The following ANKRD30A variants were observed in gnomAD, a reference collection of about 807,000 sequenced individuals.
The protein encoded by ANKRD30A is ankyrin repeat domain 30A.
Under a neutral mutation model 166.3 loss-of-function variants are expected in ANKRD30A, and 170 were observed. The observed-to-expected ratio is 1.02, with a 90% CI of 0.90 to 1.16. The LOEUF (loss-of-function observed/expected upper bound fraction) is 1.16. Ranked by LOEUF, ANKRD30A falls within the 50% of genes most tolerant of loss-of-function variation. The pLI, the probability that ANKRD30A is intolerant of heterozygous loss-of-function variation, is 0.00. For synonymous variants in ANKRD30A, 564 were observed against 508.9 expected (o/e 1.11, Z -1.46); for missense variants, 1,630 against 1,518.0 (o/e 1.07, Z -1.23).
At chr10:37,141,216 C>T (rs959130515) in intron 6 of ANKRD30A, among the ~76,000 whole-genome samples, 1 of 151,960 alleles carries the variant, frequency 6.6e-6, no homozygotes, top group Non-Finnish European at 1.5e-5. Flanking sequence ...TATGTCATGT[C>T]GTTACTGTAT....
Position 37,126,001 on chromosome 10 carries a change from C to G in ANKRD30A, c.214C>G (p.Gln72Glu). The change falls in exon 1 of 36, where the codon CAG becomes GAG. Residue 72 changes from glutamine to glutamate, a missense_variant. Transcript: ENST00000361713. ...KTINLNIQDA[Q>E]KRTALHWACV... Reference sequence around the variant, plus strand: ...CATCAACCTTAATATACAAGACGCCCAGAAGAGGTACCAGGCCCTGCCTGA... The same window carrying G: ...CATCAACCTTAATATACAAGACGCCGAGAAGAGGTACCAGGCCCTGCCTGA... 2 of 1,611,666 alleles carry G rather than the reference C, an allele frequency of 1.2e-6. No homozygotes were observed. Among genetic ancestry groups the G allele is most frequent in the South Asian group, 1.1e-5 (1 of 90,982 alleles).
chr10:37,240,041 G>A, the ANKRD30A span, among the ~76,000 whole-genome samples: 1 of 151,864 alleles, frequency 6.6e-6, no homozygotes, highest in Non-Finnish European at 1.5e-5. Context: ...TAAAATAAAC[G>A]GTAAATAGGA....
intron 25 of ANKRD30A, among the ~76,000 whole-genome samples, chr10:37,192,465 A>T (rs1840673767): frequency 6.6e-6 from 1 of 151,956 alleles, no homozygotes; most frequent in East Asian, 1.9e-4. Context: ...AGAGGTACAA[A>T]AATGAATATA....
At chr10:37,248,265 G>T in the ANKRD30A span, 6 of 570,062 alleles carry the variant, frequency 1.1e-5, no homozygotes, top group Non-Finnish European at 1.7e-5. Flanking sequence ...TCTCAGAATT[G>T]TCACCTCAAA....
chr10:37,198,405 A>G (rs1240623184), intron 29 of ANKRD30A, among the ~76,000 whole-genome samples: 11 of 152,130 alleles, frequency 7.2e-5, no homozygotes, highest in Non-Finnish European at 1.5e-5. Context: ...ACCATAGTTA[A>G]CTGCACAATT....
intron 31 of ANKRD30A, among the ~76,000 whole-genome samples, chr10:37,206,975 AGTT>A (rs1842030379): frequency 1.3e-5 from 2 of 152,108 alleles, no homozygotes; most frequent in Non-Finnish European, 2.9e-5. Flanking sequence ...TTAACAATTA[AGTT>A]GTTGAATACA....
In ANKRD30A at chr10:37,197,526, GAACATTTT is replaced by G. The variant is rs772047103; in HGVS notation, c.2716+47_2716+54del. 2.2e-4 allele frequency: 347 copies of G among 1,610,304 alleles called. 2 individuals are homozygous for G. Among genetic ancestry groups the G allele is most frequent in the Admixed American group, 7.7e-4 (46 of 59,922 alleles). On this transcript the variant is annotated intron_variant, in intron 29 of 35. Transcript: ENST00000361713. The stretch of plus-strand genomic sequence containing the variant: ...ATGCGAAGACCAATATTTCAATATT[GAACATTTT>G]GATGGTCTTTCTATCCCCAATGCTT...
Position 37,183,717 on chromosome 10 carries a change from AG to A in ANKRD30A, c.2422-5749del, listed in dbSNP as rs1349036702. On this transcript the variant is annotated intron_variant, in intron 24 of 35. Coordinates refer to ENST00000361713, the MANE Select transcript of ANKRD30A (RefSeq NM_052997.3). ...AAAATTCTCCACGGCTTCACATGCT[AG>A]TTCAGAAGATATTGATGCCTTGAGA... Among the ~76,000 whole-genome samples, 3 of 148,256 alleles carry A rather than the reference AG, an allele frequency of 2.0e-5. No homozygotes were observed. In the Admixed American group the frequency reaches 2.0e-4, roughly 10 times the overall value.
chr10:37,257,225 G>A, the ANKRD30A span, among the ~76,000 whole-genome samples: 1 of 151,760 alleles, frequency 6.6e-6, no homozygotes, highest in African/African-American at 2.4e-5. Flanking sequence ...TTATTTCTGT[G>A]GGATCAGTGA....
chr10:37,260,693 C>T, the ANKRD30A span, among the ~76,000 whole-genome samples: 1 of 152,274 alleles, frequency 6.6e-6, no homozygotes, highest in African/African-American at 2.4e-5. Context: ...GGAAAATCGG[C>T]AGGCCCAGAT....
chr10:37,201,726 A>G (rs1274895604), intron 31 of ANKRD30A, among the ~76,000 whole-genome samples: 2 of 152,058 alleles, frequency 1.3e-5, no homozygotes, highest in African/African-American at 2.4e-5. Flanking sequence ...AAATTTGGGA[A>G]GAATATAAAG....
chr10:37,221,415 A>G (rs1485973415), intron 34 of ANKRD30A, among the ~76,000 whole-genome samples: 1 of 151,248 alleles, frequency 6.6e-6, no homozygotes, highest in Non-Finnish European at 1.5e-5. Context: ...ACATTATCAC[A>G]TTAATCTCAA....
At chr10:37,153,052 C>G (rs1182261395) in intron 12 of ANKRD30A, among the ~76,000 whole-genome samples, 2 of 151,982 alleles carry the variant, frequency 1.3e-5, no homozygotes, top group South Asian at 4.1e-4. Flanking sequence ...CCCTGTTTAC[C>G]GAAAGGAAGC....
intron 13 of ANKRD30A, 139 bp downstream of exon 13, chr10:37,153,801 G>A: frequency 8.2e-7 from 1 of 1,221,976 alleles, no homozygotes; most frequent in African/African-American, 1.5e-5. Flanking sequence ...ATGGTCGTAA[G>A]TTGTATGTCT....
chr10:37,183,553 T>A (rs1588876175), intron 24 of ANKRD30A, among the ~76,000 whole-genome samples: 2 of 147,146 alleles, frequency 1.4e-5, no homozygotes, highest in South Asian at 4.4e-4. Context: ...TTGTTTATAA[T>A]GAAAAGAGTT....
intron 34 of ANKRD30A, among the ~76,000 whole-genome samples, chr10:37,221,295 A>T (rs556432656): frequency 6.6e-6 from 1 of 151,398 alleles, no homozygotes; most frequent in East Asian, 2.0e-4. Context: ...AAGATGATTT[A>T]CAAAATCAAT....
the ANKRD30A span, among the ~76,000 whole-genome samples, chr10:37,244,534 C>T: frequency 4.6e-5 from 7 of 152,244 alleles, no homozygotes; most frequent in African/African-American, 1.7e-4. Context: ...CTTATTTGTT[C>T]AATACCATTC....
intron 5 of ANKRD30A, among the ~76,000 whole-genome samples, chr10:37,134,915 C>A (rs542780656): frequency 6.6e-6 from 1 of 152,268 alleles, no homozygotes; most frequent in South Asian, 2.1e-4. Context: ...AGATCTATAT[C>A]CCTGGCACTT....
intron 25 of ANKRD30A, among the ~76,000 whole-genome samples, chr10:37,190,955 AAC>A (rs1280439110): frequency 2.0e-5 from 3 of 151,864 alleles, no homozygotes; most frequent in Non-Finnish European, 4.4e-5. Context: ...CATTTTATGA[AAC>A]CTCATTAGCA....
Sources: allele counts gnomAD v4.1 joint callset (sites outside exome capture counted in the v4.1 genomes callset), GRCh38; gene constraint gnomAD v4.1.1; transcripts MANE v1.5; gene names NCBI Gene and HGNC (gene_info 2026-07-23, HGNC 2026-07-21).